GRB10: variants seen among roughly 807,000 people sequenced by gnomAD.
The protein encoded by GRB10 is growth factor receptor-bound protein 10.
A neutral mutation model predicts 80.9 loss-of-function variants in GRB10; 20 were observed. The ratio of observed to expected loss-of-function variants is 0.25; its 90% CI spans 0.17 to 0.36. The LOEUF (loss-of-function observed/expected upper bound fraction) is 0.36, where lower values mean the gene tolerates loss of function less well. Among genes scored for constraint, GRB10 ranks in the 10% least tolerant of loss-of-function variants. GRB10 has a pLI of 1.00. For synonymous variants in GRB10, 291 were observed against 291.5 expected, an observed-to-expected ratio of 1.00 and a Z score of 0.02; for missense variants, 548 against 747.7, an observed-to-expected ratio of 0.73 and a Z score of 3.12.
At chr7:50,643,779 G>C (rs1462924520) in intron 7 of GRB10, among the ~76,000 whole-genome samples, 1 of 152,106 alleles carries the variant, frequency 6.6e-6, no homozygotes, top group Non-Finnish European at 1.5e-5. Flanking sequence ...ATGTATATAT[G>C]TGCATATATG....
At chr7:50,769,986 C>G (rs2076816490) in intron 2 of GRB10, among the ~76,000 whole-genome samples, 2 of 152,202 alleles carry the variant, frequency 1.3e-5, no homozygotes, top group Non-Finnish European at 2.9e-5. Flanking sequence ...GGGCAGCCAA[C>G]ACAGGACACA....
intron 3 of GRB10, among the ~76,000 whole-genome samples, chr7:50,752,704 C>G (rs1245995614): frequency 1.3e-5 from 2 of 152,164 alleles, no homozygotes; most frequent in African/African-American, 4.8e-5. Flanking sequence ...CGCAGCTGGG[C>G]CGGTCTCCAC....
chr7:50,629,315 T>C (rs2053565139), intron 7 of GRB10, among the ~76,000 whole-genome samples: 1 of 152,214 alleles, frequency 6.6e-6, no homozygotes, highest in Non-Finnish European at 1.5e-5. Context: ...CAACCCCTGT[T>C]GTTCCACAGC....
Position 50,689,028 on chromosome 7 carries a change from A to G in GRB10, c.140-14370T>C, listed in dbSNP as rs556710410. ...TGGAGGCCAGGAAGAGTCCAACCAG[A>G]CAATTTGCCTTCATCTCTCTCCGAA... On this transcript the variant is annotated intron_variant, in intron 5 of 18. Transcript: ENST00000401949. 3.9e-5 allele frequency among the ~76,000 whole-genome samples: 6 copies of G among 152,306 alleles called. No individual in the cohort carries two copies. The East Asian group carries it at 1.2e-3, about 29-fold the overall frequency.
chr7:50,684,267 C>CAAAAAAA (rs386410128), intron 5 of GRB10, among the ~76,000 whole-genome samples: 2,237 of 62,196 alleles, frequency 0.036, 98 homozygotes, highest in Non-Finnish European at 0.046. Flanking sequence ...CAATCATCAC[C>CAAAAAAA]AAAAAAAAAA....
At chr7:50,672,111 TG>T (rs935984520) in intron 6 of GRB10, among the ~76,000 whole-genome samples, 5 of 152,244 alleles carry the variant, frequency 3.3e-5, no homozygotes, top group Non-Finnish European at 5.9e-5. Context: ...GGCTTTCCTA[TG>T]TGCAAAGCCT....
At chr7:50,723,475 T>C (rs1041808353) in intron 4 of GRB10, among the ~76,000 whole-genome samples, 3 of 152,196 alleles carry the variant, frequency 2.0e-5, no homozygotes, top group East Asian at 1.9e-4. Context: ...GGGTTTCAGC[T>C]GAGGTCTGGA....
At chr7:50,769,647 G>T (rs1191552233) in intron 2 of GRB10, among the ~76,000 whole-genome samples, 1 of 152,110 alleles carries the variant, frequency 6.6e-6, no homozygotes, top group Non-Finnish European at 1.5e-5. Flanking sequence ...TCAGGAGGTG[G>T]TGAGACTCAC....
At chr7:50,658,961 C>A (rs535027799) in intron 7 of GRB10, among the ~76,000 whole-genome samples, 2 of 152,142 alleles carry the variant, frequency 1.3e-5, no homozygotes. Flanking sequence ...GAGAGACCTC[C>A]GCTTTAGCAA....
At position 50,674,530 on chromosome 7, in the gene GRB10, G is replaced by T. The variant is rs73697054; in HGVS notation, c.268C>A (p.Pro90Thr). ...LQNGQHARSQ[P>T]RASGPPRSIQ... is the part of the protein sequence containing the mutation. ...GACCGAGGAGGGCCTGAAGCCCGAG[G>T]CTGGCTGCGGGCATGCTGGCCATTC... Residue 90 changes from proline (P) to threonine (T), a missense_variant, in exon 6 of 19, where the codon CCT becomes ACT. By Grantham distance (38) the Pro-to-Thr change is conservative (BLOSUM62 -1). Coordinates refer to ENST00000401949, the MANE Select transcript of GRB10 (RefSeq NM_001350814.2). 1.2e-3 allele frequency: 1,892 copies of T among 1,611,108 alleles called. 13 individuals are homozygous for T. The African/African-American group carries it at 0.018, about 15-fold the overall frequency.
chr7:50,618,165 C>G lies in GRB10; in HGVS notation c.778-26G>C, dbSNP rs375805040. 8.9e-6 allele frequency: 14 copies of G among 1,572,470 alleles called. No individual in the cohort carries two copies. The African/African-American group carries it at 1.8e-4, about 20-fold the overall frequency. ...CTAAGAAAATGGGAAAAAACAAATA[C>G]GTAAAAGGTTAGCTTCAAAGTGAGG... On this transcript the variant is annotated intron_variant, in intron 9 of 18. Coordinates refer to ENST00000401949, the MANE Select transcript of GRB10 (RefSeq NM_001350814.2).
At chr7:50,696,187 T>C (rs994432822) in intron 5 of GRB10, among the ~76,000 whole-genome samples, 2 of 152,214 alleles carry the variant, frequency 1.3e-5, no homozygotes, top group Non-Finnish European at 2.9e-5. Flanking sequence ...GCACACGTCA[T>C]TGAAATAAAT....
intron 7 of GRB10, among the ~76,000 whole-genome samples, chr7:50,627,683 G>C (rs145950122): frequency 6.6e-6 from 1 of 152,220 alleles, no homozygotes; most frequent in African/African-American, 2.4e-5. Flanking sequence ...TCCAGAGGAC[G>C]GGAGTCTATC....
upstream of GRB10, among the ~76,000 whole-genome samples, chr7:50,785,026 C>A (rs533759049): frequency 6.6e-6 from 1 of 152,254 alleles, no homozygotes; most frequent in Non-Finnish European, 1.5e-5. Context: ...TCAGCAGACA[C>A]AGCCATGCCT....
chr7:50,655,919 T>TGA (rs1389043320), intron 7 of GRB10, among the ~76,000 whole-genome samples: 1 of 152,162 alleles, frequency 6.6e-6, no homozygotes, highest in Non-Finnish European at 1.5e-5. Flanking sequence ...TCTCCCCACA[T>TGA]GATGGAATGT....
chr7:50,696,420 CA>C (rs894454315), intron 5 of GRB10, among the ~76,000 whole-genome samples: 17 of 152,186 alleles, frequency 1.1e-4, no homozygotes, highest in African/African-American at 4.1e-4. Flanking sequence ...ATGTTATAGA[CA>C]AGGAAACTGA....
At chr7:50,651,188 C>T (rs1009131506) in intron 7 of GRB10, among the ~76,000 whole-genome samples, 2 of 152,152 alleles carry the variant, frequency 1.3e-5, no homozygotes, top group African/African-American at 4.8e-5. Flanking sequence ...TATTAGTTTG[C>T]CATGGCTGCC....
chr7:50,766,214 G>C (rs2076324748), intron 2 of GRB10, among the ~76,000 whole-genome samples: 1 of 152,148 alleles, frequency 6.6e-6, no homozygotes, highest in Non-Finnish European at 1.5e-5. Context: ...CCTATACTCA[G>C]GGTCCCTTGT....
At chr7:50,628,688 C>T (rs1174319956) in intron 7 of GRB10, among the ~76,000 whole-genome samples, 6 of 152,168 alleles carry the variant, frequency 3.9e-5, no homozygotes, top group African/African-American at 1.4e-4. Flanking sequence ...CAGGTAGGGT[C>T]ACTGCCCCCT....
Sources: gnomAD v4.1 joint callset for allele counts (sites outside exome capture counted in the v4.1 genomes callset) on GRCh38, gnomAD v4.1.1 for gene constraint, MANE v1.5 for transcripts, NCBI Gene and HGNC (gene_info 2026-07-23, HGNC 2026-07-21) for gene names.